The following HDAC8 variants were observed in gnomAD, a reference collection of about 807,000 sequenced individuals.
The protein encoded by HDAC8 is histone deacetylase-like 1.
HDAC8 carries 1 observed loss-of-function variant against 32.2 expected under a neutral mutation model. That is an observed-to-expected ratio of 0.03 (90% CI 0.01 to 0.15). The LOEUF (loss-of-function observed/expected upper bound fraction) is 0.15, where lower values mean the gene tolerates loss of function less well. Among genes scored for constraint, HDAC8 ranks in the 10% least tolerant of loss-of-function variants. The pLI is 1.00. For synonymous variants in HDAC8, 108 were observed against 113.9 expected (o/e 0.95, Z 0.33); for missense variants, 117 against 300.0 (o/e 0.39, Z 4.51).
chrX:72,383,825 A>G (rs2045340763), intron 9 of HDAC8, among the ~76,000 whole-genome samples: 1 of 100,344 alleles, frequency 1.0e-5, no homozygotes, highest in Non-Finnish European at 2.0e-5. Context: ...AGCCAAGATC[A>G]CGCCACTGCA....
intron 9 of HDAC8, among the ~76,000 whole-genome samples, chrX:72,403,107 A>G (rs2147878646): frequency 8.9e-6 from 1 of 111,750 alleles, no homozygotes; most frequent in Admixed American, 9.5e-5. Context: ...CTCATCTGAC[A>G]ATATTTACCT....
rs189168351 is a variant in HDAC8 at position 72,446,548 on chromosome X, C to T, written c.1005+15456G>A. Among the ~76,000 whole-genome samples the T allele has an allele frequency of 4.9e-4, 53 of 108,550 alleles. No homozygotes were observed. The East Asian group carries it at 8.0e-3, about 16-fold the overall frequency. The allele number at this position is 108,550 out of a possible 115,157, so 94.3% of individuals were successfully genotyped here. On this transcript the variant is annotated intron_variant, in intron 9 of 10. Transcript: ENST00000373573. ...TGGGGACTGTTGCGGGGTGGGGGAA[C>T]GGGGGAGGGATAGCATTAGGAGATA... is the stretch of plus-strand genomic sequence containing the variant.
chrX:72,568,008 T>C lies in HDAC8; in HGVS notation c.318A>G (p.Glu106=), dbSNP rs1388554395. 2 of 1,209,321 alleles carry C rather than the reference T, an allele frequency of 1.7e-6. No individual in the cohort carries two copies. Among genetic ancestry groups the C allele is most frequent in the East Asian group, 5.9e-5 (2 of 33,771 alleles). Residue 106 remains glutamate, a synonymous_variant, in exon 4 of 11, where the codon GAA becomes GAG. Transcript: ENST00000373573. ...YGLGYDCPAT[E]GIFDYAAAIG... The stretch of plus-strand genomic sequence containing the variant: ...TAGCTGCTGCATAGTCAAATATCCC[T>C]TCAGTGGCTGGGCAGTCATAACCTT...
rs1248952177 is a variant in HDAC8 at position 72,345,413 on chromosome X, G to A, written c.1111+6320C>T. 2.7e-5 allele frequency among the ~76,000 whole-genome samples: 3 copies of A among 111,189 alleles called. No homozygotes were observed. In the Admixed American group the frequency reaches 2.9e-4, roughly 11 times the overall value. ...CTTGAGTTTACCACTTACTTCTTGC[G>A]TGATTAGGGCATGTTACACAATGTC... is the stretch of plus-strand genomic sequence containing the variant. On this transcript the variant is annotated intron_variant, in intron 10 of 10. Transcript: ENST00000373573.
chrX:72,555,406 C>T (rs539094492), intron 4 of HDAC8, among the ~76,000 whole-genome samples: 8 of 111,597 alleles, frequency 7.2e-5, no homozygotes, highest in Admixed American at 2.8e-4. Context: ...GACAAAAATC[C>T]CTGAATTGCC....
chrX:72,441,704 A>C (rs1327170125), intron 9 of HDAC8, among the ~76,000 whole-genome samples: 3 of 112,516 alleles, frequency 2.7e-5, no homozygotes, highest in Non-Finnish European at 5.6e-5. Context: ...TGAAGAGTTG[A>C]GAGAAGAAGG....
chrX:72,424,408 A>G (rs887562270), intron 9 of HDAC8, among the ~76,000 whole-genome samples: 1 of 111,236 alleles, frequency 9.0e-6, no homozygotes, highest in Non-Finnish European at 1.9e-5. Flanking sequence ...TTTCCTAGCC[A>G]TATTTTTCTT....
intron 9 of HDAC8, among the ~76,000 whole-genome samples, chrX:72,405,534 C>T (rs1233818454): frequency 4.5e-5 from 5 of 112,286 alleles, no homozygotes; most frequent in African/African-American, 9.7e-5. Flanking sequence ...TTTGAGGAAT[C>T]GCCACACTGT....
At chrX:72,464,937 T>A (rs1480942191) in intron 7 of HDAC8, among the ~76,000 whole-genome samples, 2 of 111,788 alleles carry the variant, frequency 1.8e-5, no homozygotes, top group Non-Finnish European at 3.8e-5. Flanking sequence ...TACAAAAAAA[T>A]TTCCCTCTAC....
chrX:72,489,793 A>G (rs2048801762), intron 6 of HDAC8, among the ~76,000 whole-genome samples: 1 of 111,446 alleles, frequency 9.0e-6, no homozygotes. Context: ...AGCAAAAGAA[A>G]CTACCATCAG....
At chrX:72,492,468 G>A (rs1556010450) in intron 5 of HDAC8, among the ~76,000 whole-genome samples, 1 of 110,907 alleles carries the variant, frequency 9.0e-6, no homozygotes, top group Admixed American at 9.6e-5. Flanking sequence ...AGAGTAGTTA[G>A]GTAGATGAAA....
chrX:72,476,597 A>T (rs782786999), intron 7 of HDAC8, among the ~76,000 whole-genome samples: 3 of 111,572 alleles, frequency 2.7e-5, no homozygotes, highest in Non-Finnish European at 5.7e-5. Context: ...ATAAGGTTGG[A>T]TTCAGTGTTT....
At chrX:72,448,904 G>C (rs782494551) in intron 9 of HDAC8, among the ~76,000 whole-genome samples, 1 of 112,128 alleles carries the variant, frequency 8.9e-6, no homozygotes, top group South Asian at 3.7e-4. Context: ...TTAGAATGGC[G>C]ATCATTAAAA....
At chrX:72,440,105 G>A (rs1048089469) in intron 9 of HDAC8, among the ~76,000 whole-genome samples, 11 of 111,653 alleles carry the variant, frequency 9.9e-5, no homozygotes, top group African/African-American at 2.6e-4. Flanking sequence ...GCAAAAGAAC[G>A]GAAATCATAA....
chrX:72,341,146 A>T (rs2043878118), intron 10 of HDAC8, among the ~76,000 whole-genome samples: 1 of 111,895 alleles, frequency 8.9e-6, no homozygotes, highest in African/African-American at 3.2e-5. Flanking sequence ...GCCATAGTGA[A>T]CATGAGAAGT....
At chrX:72,496,527 G>A (rs2049024989) in intron 4 of HDAC8, among the ~76,000 whole-genome samples, 1 of 110,967 alleles carries the variant, frequency 9.0e-6, no homozygotes, top group African/African-American at 3.3e-5. Flanking sequence ...TGTGATTTTG[G>A]AAGTTCTTAG....
chrX:72,428,141 T>C (rs2046703978), intron 9 of HDAC8, among the ~76,000 whole-genome samples: 1 of 111,963 alleles, frequency 8.9e-6, no homozygotes, highest in African/African-American at 3.2e-5. Flanking sequence ...TCACCCAGGC[T>C]GGAGTGCAGT....
rs1428565919 is a variant in HDAC8 at position 72,571,049 on chromosome X, C to T, written c.164+1008G>A. Reference sequence around the variant, plus strand: ...ACACCATTCTCCTGCCTCAGCCTCCCGAGTAGCTGGGACTACAGGCGCCTG... The same window carrying T: ...ACACCATTCTCCTGCCTCAGCCTCCTGAGTAGCTGGGACTACAGGCGCCTG... On this transcript the variant is annotated intron_variant, in intron 2 of 10. Coordinates refer to ENST00000373573, the MANE Select transcript of HDAC8 (RefSeq NM_018486.3). 4.5e-5 allele frequency among the ~76,000 whole-genome samples: 5 copies of T among 111,786 alleles called. No individual in the cohort carries two copies. The East Asian group carries it at 1.4e-3, about 32-fold the overall frequency.
intron 9 of HDAC8, among the ~76,000 whole-genome samples, chrX:72,379,992 T>G (rs1405856269): frequency 6.3e-5 from 7 of 111,425 alleles, no homozygotes; most frequent in African/African-American, 2.3e-4. Flanking sequence ...CAACTTTGCC[T>G]TAGCACTTCA....
Sources: gnomAD v4.1 joint callset for allele counts (sites outside exome capture counted in the v4.1 genomes callset) on GRCh38, gnomAD v4.1.1 for gene constraint, MANE v1.5 for transcripts, NCBI Gene and HGNC (gene_info 2026-07-23, HGNC 2026-07-21) for gene names.